The following OSBP variants were observed in gnomAD, a reference collection of about 807,000 sequenced individuals.
OSBP encodes the protein oxysterol binding protein.
OSBP carries 32 observed loss-of-function variants against 96.6 expected under a neutral mutation model. The ratio of observed to expected loss-of-function variants is 0.33; its 90% confidence interval spans 0.25 to 0.45. OSBP has a LOEUF of 0.45. Among genes scored for constraint, OSBP ranks in the 20% least tolerant of loss-of-function variants. The pLI is 1.00. For synonymous variants in OSBP, 369 were observed against 389.6 expected (o/e 0.95, Z 0.62); for missense variants, 653 against 1,029.7 (o/e 0.63, Z 5.01).
At chr11:59,589,759 C>T (rs1434506361) in intron 9 of OSBP, among the ~76,000 whole-genome samples, 1 of 151,404 alleles carries the variant, frequency 6.6e-6, no homozygotes, top group Non-Finnish European at 1.5e-5. Flanking sequence ...CCAAGGTGGG[C>T]GGATCATGAG....
At chr11:59,605,965 C>T (rs1860775741) in intron 3 of OSBP, among the ~76,000 whole-genome samples, 1 of 152,140 alleles carries the variant, frequency 6.6e-6, no homozygotes, top group South Asian at 2.1e-4. Context: ...ACTCCAGGCC[C>T]CAAGCTCTAG....
At chr11:59,597,007 A>C (rs1335271593) in intron 7 of OSBP, among the ~76,000 whole-genome samples, 1 of 152,180 alleles carries the variant, frequency 6.6e-6, no homozygotes, top group East Asian at 1.9e-4. Context: ...AGGCAAGATC[A>C]ATAAGGAACT....
intron 9 of OSBP, among the ~76,000 whole-genome samples, chr11:59,584,839 A>G (rs1026475226): frequency 6.6e-6 from 1 of 152,188 alleles, no homozygotes; most frequent in Admixed American, 6.5e-5. Context: ...GATGGAAAGA[A>G]AGAGATAAAA....
chr11:59,601,511 A>T, intron 4 of OSBP, 126 bp from the exon 5 acceptor site: 1 of 1,166,478 alleles, frequency 8.6e-7, no homozygotes, highest in Non-Finnish European at 1.3e-6. Context: ...AAAATCCAGA[A>T]TAAATCAATG....
In OSBP at chr11:59,615,550, C is replaced by G; in HGVS notation, c.115G>C (p.Ala39Pro). The change falls in exon 1 of 14, where the codon GCG becomes CCG. Residue 39 changes from alanine to proline, a missense_variant. By Grantham distance (27) the Ala-to-Pro change is conservative (BLOSUM62 -1). Coordinates refer to ENST00000263847, the MANE Select transcript of OSBP (RefSeq NM_002556.3). Reference sequence around the variant, plus strand: ...GACGCGGCCCCGGAGCCTGGCCCCGCATCTCCGCGGCCGCCGCCTCCTCCC... The same window carrying G: ...GACGCGGCCCCGGAGCCTGGCCCCGGATCTCCGCGGCCGCCGCCTCCTCCC... Reference protein sequence around the residue: ...VVGGGGGRGDAGPGSGAASGT... With the variant: ...VVGGGGGRGDPGPGSGAASGT... The G allele has an allele frequency of 7.4e-7, 1 of 1,353,478 alleles. No individual in the cohort carries two copies. The highest frequency in any genetic ancestry group is 9.5e-7 in the Non-Finnish European group (1 of 1,048,284). The allele number at this position is 1,353,478 out of a possible 1,614,324, so 83.8% of individuals were successfully genotyped here. A position where few individuals can be genotyped will look rare whatever the true frequency, so the allele number is the denominator to read the frequency against.
At chr11:59,595,008 A>T (rs1439294312) in intron 7 of OSBP, 1 of 154,732 alleles carries the variant, frequency 6.5e-6, no homozygotes, top group Non-Finnish European at 1.5e-5. Context: ...TTCCACAAAT[A>T]TTTATTGAGT....
rs1437710401 is a variant in OSBP, at chr11:59,577,003, A to G, written c.2083T>C (p.Tyr695His). 1.2e-6 allele frequency: 2 copies of G among 1,613,362 alleles called. No individual in the cohort carries two copies. The highest frequency in any genetic ancestry group is 1.7e-6 in the Non-Finnish European group (2 of 1,179,844). Residue 695 changes from tyrosine (Y) to histidine (H), a missense_variant, in exon 13 of 14, where the codon TAC (tyrosine) becomes CAC (histidine). Physicochemically the swap from Tyr to His is moderately conservative, Grantham distance 83. Transcript: ENST00000263847. ...PLPKNAENMY[Y>H]FSELALTLNA... ...AGAGTCAGAGCAAGCTCTGAGAAGT[A>G]GTACATGTTTTCTGCATTCTTCCTA...
chr11:59,597,264 C>T (rs766215476), intron 7 of OSBP, among the ~76,000 whole-genome samples: 40 of 152,150 alleles, frequency 2.6e-4, no homozygotes, highest in Middle Eastern at 3.4e-3. Context: ...AGGCTGGTCT[C>T]GAACTCCTGA....
At chr11:59,603,057 T>C (rs1405622373) in intron 3 of OSBP, among the ~76,000 whole-genome samples, 1 of 152,234 alleles carries the variant, frequency 6.6e-6, no homozygotes, top group Non-Finnish European at 1.5e-5. Context: ...CTTTGTGACA[T>C]CTCCCCACCA....
intron 12 of OSBP, among the ~76,000 whole-genome samples, chr11:59,577,694 T>C (rs1860376014): frequency 6.6e-6 from 1 of 152,186 alleles, no homozygotes; most frequent in African/African-American, 2.4e-5. Context: ...TTTCGCCATG[T>C]TGGCCAGGCT....
chr11:59,600,246 C>T (rs1230162628), intron 7 of OSBP, among the ~76,000 whole-genome samples: 1 of 152,234 alleles, frequency 6.6e-6, no homozygotes, highest in Non-Finnish European at 1.5e-5. Flanking sequence ...CCCAGTGCAT[C>T]TAGCATAGGA....
intron 9 of OSBP, among the ~76,000 whole-genome samples, chr11:59,583,634 GTTTTTTTT>G (rs764596509): frequency 9.3e-5 from 6 of 64,310 alleles, no homozygotes; most frequent in Admixed American, 1.7e-4. Flanking sequence ...CTAAATCTCT[GTTTTTTTT>G]TTTTTTTTTT....
At chr11:59,602,710 C>T (rs1010007834) in intron 3 of OSBP, among the ~76,000 whole-genome samples, 9 of 152,196 alleles carry the variant, frequency 5.9e-5, no homozygotes, top group African/African-American at 2.2e-4. Flanking sequence ...GCCTCAACCT[C>T]GTCGGGCTCA....
Position 59,601,339 on chromosome 11 carries a change from C to T in OSBP, c.1068G>A (p.Glu356=). 2 of 1,613,728 alleles carry T rather than the reference C, an allele frequency of 1.2e-6. No homozygotes were observed. The highest frequency in any genetic ancestry group is 1.7e-6 in the Non-Finnish European group (2 of 1,179,720). ...TCTCAGGTGCATCAAAAAATTCATT[C>T]TCATCATCTTCATCGCTCATGTCCC... ...GKGDMSDEDD[E]NEFFDAPEII... is the part of the protein sequence containing the mutation. Residue 356 remains glutamate (E), a synonymous_variant, in exon 5 of 14, where the codon GAG becomes GAA. Transcript: ENST00000263847.
rs184627635 is a variant in OSBP at position 59,610,310 on chromosome 11, A to T, written c.571+71T>A. On this transcript the variant is annotated intron_variant, in intron 2 of 13. Transcript: ENST00000263847. Reference sequence around the variant, plus strand: ...GATAATCAAATGACACAGCATAATGATGACAAACAAAATCTGTGCATAAAA... The same window carrying T: ...GATAATCAAATGACACAGCATAATGTTGACAAACAAAATCTGTGCATAAAA... The T allele has an allele frequency of 7.0e-6, 9 of 1,290,224 alleles. No individual in the cohort carries two copies. In the East Asian group the frequency reaches 2.1e-4, roughly 30 times the overall value. The allele number at this position is 1,290,224 out of a possible 1,614,324, so 79.9% of individuals were successfully genotyped here.
chr11:59,578,203 C>T lies in OSBP; in HGVS notation c.2006G>A (p.Arg669Lys). The T allele has an allele frequency of 6.2e-7, 1 of 1,614,160 alleles. No individual in the cohort carries two copies. Among genetic ancestry groups the T allele is most frequent in the South Asian group, 1.1e-5 (1 of 91,084 alleles). The change falls in exon 12 of 14, where the codon AGA becomes AAA. Residue 669 changes from arginine to lysine, a missense_variant. By Grantham distance (26) the Arg-to-Lys change is conservative (BLOSUM62 2). Around this residue, in one of 6 missense-constraint regions of OSBP, gnomAD observed 169 missense variants for 251.5 expected, o/e 0.67. Transcript: ENST00000263847. ...CCTGCTTTCCTCTGCTTCATGGCCT[C>T]TCTGTCGAGCATCACCCCCATTTTC... Reference protein sequence around the residue: ...IGENGGDARQRGHEAEESRVM... With the variant: ...IGENGGDARQKGHEAEESRVM...
intron 5 of OSBP, among the ~76,000 whole-genome samples, 196 bp from the exon 6 acceptor site, chr11:59,601,069 T>C (rs191895118): frequency 5.9e-4 from 83 of 139,566 alleles, no homozygotes; most frequent in Non-Finnish European, 1.1e-3. Flanking sequence ...TGACATTTTT[T>C]CACTTACTTA....
chr11:59,575,496 C>T lies in OSBP; in HGVS notation c.*1081G>A, dbSNP rs888293516. The T allele has an allele frequency of 7.2e-5, 11 of 152,474 alleles. No homozygotes were observed. Among genetic ancestry groups the T allele is most frequent in the African/African-American group, 2.2e-4 (9 of 41,396 alleles). 9.4% of individuals were successfully genotyped at this position (152,474 alleles called of 1,614,324 possible). A position where few individuals can be genotyped will look rare whatever the true frequency, so the allele number is the denominator to read the frequency against. ...ACAAGATTCTTAATGGGAAGGAAAT[C>T]AAACCAAAAAATTAGATTTTTCTCT... On this transcript the variant is annotated 3_prime_UTR_variant, in exon 14 of 14. Coordinates refer to ENST00000263847, the MANE Select transcript of OSBP (RefSeq NM_002556.3).
In OSBP at chr11:59,610,723, A is replaced by G. The variant is rs545211353; in HGVS notation, c.363-134T>C. ...GGAATCAGCAAGTTCTAGTCCCTCA[A>G]ACGGGTCCCTAAAATTCACGAAACA... On this transcript the variant is annotated intron_variant, in intron 1 of 13. Transcript: ENST00000263847. 302 of 685,674 alleles carry G rather than the reference A, an allele frequency of 4.4e-4. 1 individual carries two copies. Among genetic ancestry groups the G allele is most frequent in the Admixed American group, 1.1e-3 (48 of 43,018 alleles). 42.5% of individuals were successfully genotyped at this position (685,674 alleles called of 1,614,324 possible).
Sources: allele counts gnomAD v4.1 joint callset (sites outside exome capture counted in the v4.1 genomes callset), GRCh38; gene constraint gnomAD v4.1.1; regional missense constraint gnomAD v4.1.1; transcripts MANE v1.5; gene names NCBI Gene and HGNC (gene_info 2026-07-23, HGNC 2026-07-21).